Variants in ATP13A3 observed in about 807,000 individuals in gnomAD.
ATP13A3 encodes ATPase 13A3, also known as polyamine-transporting ATPase 13A3.
In ATP13A3, 59 loss-of-function variants were observed where a neutral mutation model predicts 158.1. The ratio of observed to expected loss-of-function variants is 0.37; its 90% CI spans 0.30 to 0.46. The LOEUF (loss-of-function observed/expected upper bound fraction) is 0.46. Among genes scored for constraint, ATP13A3 ranks in the 20% least tolerant of loss-of-function variants. The pLI is 1.00. For missense variants in ATP13A3, 1,166 were observed against 1,525.2 expected (o/e 0.76, Z 3.92); for synonymous variants, 491 against 504.3 (o/e 0.97, Z 0.35).
chr3:194,461,509 G>A (rs111805478), intron 3 of ATP13A3, among the ~76,000 whole-genome samples: 136 of 152,226 alleles, frequency 8.9e-4, no homozygotes, highest in African/African-American at 3.2e-3. Flanking sequence ...ATACCACTGC[G>A]ACTAATCAAT....
At chr3:194,406,751 A>G (rs1390460413) in intron 33 of ATP13A3, among the ~76,000 whole-genome samples, 2 of 152,210 alleles carry the variant, frequency 1.3e-5, no homozygotes, top group African/African-American at 4.8e-5. Context: ...TACTGTTAAT[A>G]TCATCTCTCA....
chr3:194,460,955 T>C (rs1005066234), intron 3 of ATP13A3, 124 bp from the exon 4 acceptor site: 2 of 1,032,530 alleles, frequency 1.9e-6, no homozygotes, highest in Non-Finnish European at 1.3e-6. Context: ...AAACTGTAAA[T>C]ATTTTCCAAT....
intron 33 of ATP13A3, among the ~76,000 whole-genome samples, chr3:194,411,621 A>C (rs1433856477): frequency 6.6e-6 from 1 of 152,196 alleles, no homozygotes; most frequent in Non-Finnish European, 1.5e-5. Flanking sequence ...CCAAAAAGTC[A>C]AATGTCCTAA....
intron 2 of ATP13A3, among the ~76,000 whole-genome samples, chr3:194,473,326 C>T (rs1463008594): frequency 2.6e-5 from 4 of 151,982 alleles, no homozygotes; most frequent in Non-Finnish European, 4.4e-5. Flanking sequence ...ATTAATACTC[C>T]CTGTACATTC....
Position 194,431,200 on chromosome 3 carries a change from A to G in ATP13A3, c.2448T>C (p.Asp816=), listed in dbSNP as rs1422071196. 1 of 1,613,516 alleles carries G rather than the reference A, an allele frequency of 6.2e-7. No individual in the cohort carries two copies. Among genetic ancestry groups the G allele is most frequent in the African/African-American group, 1.3e-5 (1 of 74,932 alleles). Residue 816 remains aspartate (D), a synonymous_variant, in exon 23 of 34, where the codon GAT becomes GAC. Coordinates refer to ENST00000645319, the MANE Select transcript of ATP13A3 (RefSeq NM_001367549.1). ...GAGTCATTTGAAGATCCTCTAAGCT[A>G]TCATGGACCAATTTAACCGGAATAG... ...PEAIPVKLVH[D]SLEDLQMTRY...
At chr3:194,454,961 G>A (rs868355440) in intron 8 of ATP13A3, among the ~76,000 whole-genome samples, 2 of 152,198 alleles carry the variant, frequency 1.3e-5, no homozygotes, top group South Asian at 2.1e-4. Context: ...GATTCAGCTA[G>A]AAAAGGCTAG....
At chr3:194,430,203 G>A in intron 25 of ATP13A3, 22 bp from the exon 26 acceptor site, 1 of 1,613,222 alleles carries the variant, frequency 6.2e-7, no homozygotes, top group African/African-American at 1.3e-5. Flanking sequence ...AAGAAAACTG[G>A]TTAAGTTTTG....
At chr3:194,479,791 T>C (rs954310695) in intron 2 of ATP13A3, among the ~76,000 whole-genome samples, 2 of 152,024 alleles carry the variant, frequency 1.3e-5, no homozygotes, top group Non-Finnish European at 2.9e-5. Flanking sequence ...ACAGATAGTT[T>C]TAAATTTTAT....
chr3:194,444,832 C>A, intron 14 of ATP13A3, 46 bp from the exon 15 acceptor site: 7 of 1,397,082 alleles, frequency 5.0e-6, no homozygotes, highest in Admixed American at 2.4e-5. Flanking sequence ...GATGATGCCT[C>A]AAAAAAAAAC....
chr3:194,447,801 A>G, intron 13 of ATP13A3, 51 bp downstream of exon 13: 1 of 1,461,610 alleles, frequency 6.8e-7, no homozygotes, highest in Middle Eastern at 1.8e-4. Flanking sequence ...CAATAGCTGC[A>G]TATGATAAAT....
chr3:194,425,512 C>T lies in ATP13A3; in HGVS notation c.3143G>A (p.Gly1048Glu), dbSNP rs1189369935. 2.5e-6 allele frequency: 4 copies of T among 1,611,804 alleles called. No individual in the cohort carries two copies. The highest frequency in any genetic ancestry group is 2.7e-5 in the African/African-American group (2 of 74,762). ...HPKSDACNTT[G>E]SGFWNSSHVD... Reference sequence around the variant, plus strand: ...GTGTGAAGAATTCCAAAACCCGCTTCCTGTTGTATTACAAGCACTAGAACA... The same window carrying T: ...GTGTGAAGAATTCCAAAACCCGCTTTCTGTTGTATTACAAGCACTAGAACA... The change falls in exon 30 of 34, where the codon GGA becomes GAA. Residue 1048 changes from glycine (G) to glutamate (E), a missense_variant. By Grantham distance (98) the Gly-to-Glu change is moderately conservative. Transcript: ENST00000645319.
chr3:194,427,370 T>C, intron 28 of ATP13A3, 118 bp from the exon 29 acceptor site: 2 of 908,030 alleles, frequency 2.2e-6, no homozygotes, highest in East Asian at 5.6e-5. Flanking sequence ...AATTCTTTAA[T>C]ACAAAAAATC....
Position 194,460,595 on chromosome 3 carries a change from G to A in ATP13A3, c.225+63C>T, listed in dbSNP as rs1037900437. Reference sequence around the variant, plus strand: ...CCCTTCATCTATTATTTCGAATAAAGTATACACAAAGACATTGTTTTACTC... The same window carrying A: ...CCCTTCATCTATTATTTCGAATAAAATATACACAAAGACATTGTTTTACTC... On this transcript the variant is annotated intron_variant, in intron 4 of 33. Transcript: ENST00000645319. 8.0e-6 allele frequency: 12 copies of A among 1,507,294 alleles called. No homozygotes were observed. In the African/African-American group the frequency reaches 1.1e-4, roughly 14 times the overall value. 93.4% of individuals were successfully genotyped at this position (1,507,294 alleles called of 1,614,324 possible).
chr3:194,479,694 T>C (rs1720673663), intron 2 of ATP13A3, among the ~76,000 whole-genome samples: 2 of 152,040 alleles, frequency 1.3e-5, no homozygotes, highest in South Asian at 4.1e-4. Context: ...TTCAAAGTCT[T>C]CTTTAAAAAA....
At chr3:194,421,098 T>TA (rs1445622946) in intron 30 of ATP13A3, among the ~76,000 whole-genome samples, 1 of 29,090 alleles carries the variant, frequency 3.4e-5, no homozygotes, top group African/African-American at 1.6e-4. Flanking sequence ...TGTTTATATA[T>TA]ACCAGTGTGT....
chr3:194,417,898 C>A (rs1279449977), intron 31 of ATP13A3, among the ~76,000 whole-genome samples: 1 of 149,968 alleles, frequency 6.7e-6, no homozygotes, highest in Admixed American at 6.7e-5. Flanking sequence ...GAGGTCGAGG[C>A]CACAGTGAGC....
chr3:194,409,569 G>C lies in ATP13A3; in HGVS notation c.3573+2630C>G, dbSNP rs187315690. Among the ~76,000 whole-genome samples, 9 of 152,128 alleles carry C rather than the reference G, an allele frequency of 5.9e-5. No individual in the cohort carries two copies. The East Asian group carries it at 1.7e-3, about 29-fold the overall frequency. Reference sequence around the variant, plus strand: ...ATACGACACAGATCTCCTGAAACAGGGTTGCTTTATAGAAAACCACAGATG... The same window carrying C: ...ATACGACACAGATCTCCTGAAACAGCGTTGCTTTATAGAAAACCACAGATG... On this transcript the variant is annotated intron_variant, in intron 33 of 33. Coordinates refer to ENST00000645319, the MANE Select transcript of ATP13A3 (RefSeq NM_001367549.1).
Position 194,447,115 on chromosome 3 carries a change from C to T in ATP13A3, c.1309G>A (p.Val437Ile), listed in dbSNP as rs766589100. The change falls in exon 14 of 34, where the codon GTA becomes ATA. Residue 437 changes from valine (V) to isoleucine (I), a missense_variant and splice_region_variant. Physicochemically the swap from Val to Ile is conservative, Grantham distance 29 (BLOSUM62 3). Around this residue, in one of 3 missense-constraint regions of ATP13A3, gnomAD observed 997 missense variants for 1,341.2 expected, o/e 0.74. Transcript: ENST00000645319. ...YTIINSILNEVQVGVIIIESL... is the reference protein window; with the variant it reads ...YTIINSILNEIQVGVIIIESL... Reference sequence around the variant, plus strand: ...TCGATAATTATGACCCCAACTTGTACCTACAATTAACACAAAAATAAATGT... The same window carrying T: ...TCGATAATTATGACCCCAACTTGTATCTACAATTAACACAAAAATAAATGT... 1.9e-6 allele frequency: 3 copies of T among 1,599,252 alleles called. No individual in the cohort carries two copies. Among genetic ancestry groups the T allele is most frequent in the Admixed American group, 1.8e-5 (1 of 55,708 alleles).
chr3:194,422,176 G>C (rs1423944220), intron 30 of ATP13A3, among the ~76,000 whole-genome samples: 1 of 151,970 alleles, frequency 6.6e-6, no homozygotes, highest in East Asian at 1.9e-4. Context: ...TGACAGGGGA[G>C]AGAAGGATGG....
Sources: allele counts gnomAD v4.1 joint callset (sites outside exome capture counted in the v4.1 genomes callset), GRCh38; gene constraint gnomAD v4.1.1; regional missense constraint gnomAD v4.1.1; transcripts MANE v1.5; gene names NCBI Gene and HGNC (gene_info 2026-07-23, HGNC 2026-07-21).